TTC3: variants seen among roughly 807,000 people sequenced by gnomAD.
The protein encoded by TTC3 is tetratricopeptide repeat domain 3.
TTC3 carries 180 observed loss-of-function variants against 249.6 expected under a neutral mutation model. The ratio of observed to expected loss-of-function variants is 0.72; its 90% CI spans 0.64 to 0.82. The LOEUF is 0.82. Among genes scored for constraint, TTC3 ranks in the 40% least tolerant of loss-of-function variants. The pLI is 0.00. For synonymous variants in TTC3, 717 were observed against 805.0 expected (o/e 0.89, Z 1.85); for missense variants, 2,061 against 2,398.4 (o/e 0.86, Z 2.94).
intron 11 of TTC3, among the ~76,000 whole-genome samples, chr21:37,111,305 A>C (rs1325779519): frequency 1.3e-5 from 2 of 152,194 alleles, no homozygotes; most frequent in Non-Finnish European, 2.9e-5. Flanking sequence ...GTATTCAGGA[A>C]ACCCATCTCA....
intron 1 of TTC3, chr21:37,086,970 C>G (rs1359679946): frequency 6.2e-6 from 2 of 321,420 alleles, no homozygotes; most frequent in African/African-American, 4.2e-5. Flanking sequence ...CTTGATGATC[C>G]TCTATTTAAA....
At chr21:37,150,053 GTTT>G (rs35491163) in intron 23 of TTC3, 22 bp from the exon 24 acceptor site, 370 of 1,317,196 alleles carry the variant, frequency 2.8e-4, no homozygotes, top group South Asian at 5.4e-4. Flanking sequence ...CATTTTTCTT[GTTT>G]TTTTTTTTTT....
In TTC3 at chr21:37,077,323, C is replaced by CA. The variant is rs528378691; in HGVS notation, c.-12+3969dup. Among the ~76,000 whole-genome samples, 338 of 137,164 alleles carry CA rather than the reference C, an allele frequency of 2.5e-3. 2 individuals are homozygous for CA. The highest frequency in any genetic ancestry group is 3.4e-3 in the Non-Finnish European group (216 of 63,008). 90.0% of individuals were successfully genotyped at this position (137,164 alleles called of 152,430 possible). A position where few individuals can be genotyped will look rare whatever the true frequency, so the allele number is the denominator to read the frequency against. The stretch of plus-strand genomic sequence containing the variant: ...AAAAGCACTTTTGGTGGTTTGCGAG[C>CA]AAAAAAAAAAGGTTGAAATACCACC... On this transcript the variant is annotated intron_variant, in intron 1 of 45. Transcript: ENST00000355666.
chr21:37,104,859 A>G (rs970756957), intron 10 of TTC3, among the ~76,000 whole-genome samples: 1 of 152,322 alleles, frequency 6.6e-6, no homozygotes, highest in South Asian at 2.1e-4. Flanking sequence ...CCTAGAGTAA[A>G]GCTTGGGCAT....
At chr21:37,103,877 T>C (rs2074780546) in intron 10 of TTC3, among the ~76,000 whole-genome samples, 1 of 152,188 alleles carries the variant, frequency 6.6e-6, no homozygotes, top group South Asian at 2.1e-4. Flanking sequence ...TAGGCTGTGT[T>C]AAGGCTTTTG....
At chr21:37,080,707 T>G (rs2071521483) in intron 1 of TTC3, among the ~76,000 whole-genome samples, 1 of 152,218 alleles carries the variant, frequency 6.6e-6, no homozygotes, top group African/African-American at 2.4e-5. Context: ...TATTGTGATC[T>G]TCTCTAAGTT....
chr21:37,078,338 A>G (rs1248077644), intron 1 of TTC3, among the ~76,000 whole-genome samples: 2 of 152,238 alleles, frequency 1.3e-5, no homozygotes, highest in Non-Finnish European at 1.5e-5. Context: ...GTTACATGAC[A>G]TGAAAAACCC....
chr21:37,160,614 A>G (rs897609878), intron 29 of TTC3, among the ~76,000 whole-genome samples, 188 bp from the exon 30 acceptor site: 1 of 152,240 alleles, frequency 6.6e-6, no homozygotes, highest in Non-Finnish European at 1.5e-5. Flanking sequence ...CATTAGTATT[A>G]TTAAATTTTG....
intron 15 of TTC3, among the ~76,000 whole-genome samples, chr21:37,128,643 A>G (rs1051824937): frequency 6.6e-6 from 1 of 152,200 alleles, no homozygotes; most frequent in African/African-American, 2.4e-5. Flanking sequence ...GTCAATAACA[A>G]CACAGTATTT....
At chr21:37,128,673 A>G (rs1787353) in intron 15 of TTC3, among the ~76,000 whole-genome samples, 11 of 152,162 alleles carry the variant, frequency 7.2e-5, no homozygotes, top group South Asian at 4.1e-4. Context: ...CATAAGGATG[A>G]TTGTTGTTTA....
At chr21:37,197,532 A>G in intron 42 of TTC3, 38 bp from the exon 43 acceptor site, 1 of 1,611,422 alleles carries the variant, frequency 6.2e-7, no homozygotes, top group Non-Finnish European at 8.5e-7. Context: ...GCAGTAGAGA[A>G]CTTTCTGTTG....
chr21:37,088,441 T>C (rs1251687382), intron 4 of TTC3, 95 bp downstream of exon 4: 10 of 1,433,096 alleles, frequency 7.0e-6, no homozygotes, highest in Non-Finnish European at 9.5e-6. Flanking sequence ...TTATGTCTTA[T>C]TCTTGTATGC....
In TTC3 at chr21:37,140,628, G is replaced by T. The variant is rs1185959114; in HGVS notation, c.1727G>T (p.Cys576Phe). The change falls in exon 20 of 46, where the codon TGC (cysteine) becomes TTC (phenylalanine). Residue 576 changes from cysteine to phenylalanine, a missense_variant. Around this residue, in one of 3 missense-constraint regions of TTC3, gnomAD observed 989 missense variants for 1,145.1 expected, o/e 0.86. Coordinates refer to ENST00000355666, the Ensembl canonical transcript of TTC3. ...CACTACCCCAGTGAGGGCCTTGATT[G>T]CTTGGCCTACTGTGGAATTGGAAAA... 2 of 1,607,716 alleles carry T rather than the reference G, an allele frequency of 1.2e-6. No individual in the cohort carries two copies. Among genetic ancestry groups the T allele is most frequent in the Admixed American group, 3.4e-5 (2 of 58,842 alleles).
At position 37,197,708 on chromosome 21, in the gene TTC3, A is replaced by G. The variant is rs1406183380; in HGVS notation, c.5706+12A>G. 2 of 1,589,372 alleles carry G rather than the reference A, an allele frequency of 1.3e-6. No homozygotes were observed. Among genetic ancestry groups the G allele is most frequent in the Non-Finnish European group, 1.7e-6 (2 of 1,168,486 alleles). On this transcript the variant is annotated intron_variant, in intron 43 of 45. Coordinates refer to ENST00000355666, the Ensembl canonical transcript of TTC3. ...AGAAAAAGAAAAAGGTATTTTATCT[A>G]GATGTTCCAGTTTATCCTTATTTAT...
intron 11 of TTC3, among the ~76,000 whole-genome samples, chr21:37,116,713 A>G (rs537112452): frequency 6.6e-6 from 1 of 152,296 alleles, no homozygotes; most frequent in Middle Eastern, 3.4e-3. Context: ...AGTCTGAGGC[A>G]GGAGAATCAC....
intron 18 of TTC3, among the ~76,000 whole-genome samples, chr21:37,135,851 T>G (rs2077884636): frequency 6.6e-6 from 1 of 152,242 alleles, no homozygotes; most frequent in Non-Finnish European, 1.5e-5. Flanking sequence ...TTTGCTTTAT[T>G]GTACTTTGCA....
At chr21:37,075,326 C>A (rs375146099) in intron 1 of TTC3, among the ~76,000 whole-genome samples, 1 of 152,148 alleles carries the variant, frequency 6.6e-6, no homozygotes, top group East Asian at 1.9e-4. Context: ...AGACTTTGAA[C>A]TTGTTTCAGT....
chr21:37,124,581 C>CA (rs747592058), intron 13 of TTC3, 38 bp from the exon 14 acceptor site: 14 of 1,596,644 alleles, frequency 8.8e-6, no homozygotes, highest in Non-Finnish European at 1.7e-6. Context: ...GGATAACTTT[C>CA]AAAAAATGTA....
chr21:37,134,700 C>T (rs1319423082), intron 17 of TTC3, among the ~76,000 whole-genome samples: 1 of 152,184 alleles, frequency 6.6e-6, no homozygotes, highest in Non-Finnish European at 1.5e-5. Context: ...CAGCTATTCC[C>T]ATGTCACTAA....
Sources: allele counts gnomAD v4.1 joint callset (sites outside exome capture counted in the v4.1 genomes callset), GRCh38; gene constraint gnomAD v4.1.1; regional missense constraint gnomAD v4.1.1; transcripts MANE v1.5; gene names NCBI Gene and HGNC (gene_info 2026-07-23, HGNC 2026-07-21).